Variants in DCC observed in about 807,000 individuals in gnomAD.
DCC encodes the protein DCC netrin 1 receptor.
A neutral mutation model predicts 172.5 loss-of-function variants in DCC; 58 were observed. The observed-to-expected ratio is 0.34, with a 90% CI of 0.27 to 0.42. The LOEUF (loss-of-function observed/expected upper bound fraction) is 0.42, where lower values mean the gene tolerates loss of function less well. Ranked by LOEUF, DCC falls within the 10% of genes least tolerant of loss-of-function variation. The pLI is 1.00. For missense variants in DCC, 1,740 were observed against 1,791.0 expected (o/e 0.97, Z 0.51); for synonymous variants, 709 against 644.5 (o/e 1.10, Z -1.52).
chr18:53,146,588 G>A (rs1338329350), intron 7 of DCC, among the ~76,000 whole-genome samples: 1 of 152,174 alleles, frequency 6.6e-6, no homozygotes, highest in African/African-American at 2.4e-5. Flanking sequence ...AACCTGAAGG[G>A]TAGAGGGACA....
At chr18:52,872,800 C>T (rs1307704502) in intron 2 of DCC, among the ~76,000 whole-genome samples, 2 of 152,008 alleles carry the variant, frequency 1.3e-5, no homozygotes, top group Non-Finnish European at 2.9e-5. Context: ...GGGTTAGTGG[C>T]CCTAAAGAGA....
intron 17 of DCC, among the ~76,000 whole-genome samples, chr18:53,393,922 C>CTCTCTCTCTCT (rs72364865): frequency 1.6e-4 from 21 of 130,832 alleles, no homozygotes; most frequent in Non-Finnish European, 2.3e-4. Context: ...TCCCTCTCTC[C>CTCTCTCTCTCT]CTCCCTCCCT....
chr18:52,537,479 G>A (rs1568217811), intron 1 of DCC, among the ~76,000 whole-genome samples: 1 of 152,128 alleles, frequency 6.6e-6, no homozygotes, highest in Admixed American at 6.6e-5. Flanking sequence ...GCTGCTGCCT[G>A]GAGGCAAACA....
At chr18:53,510,037 T>C (rs1291811656) in intron 27 of DCC, among the ~76,000 whole-genome samples, 1 of 152,220 alleles carries the variant, frequency 6.6e-6, no homozygotes, top group African/African-American at 2.4e-5. Flanking sequence ...CTTATTTTTA[T>C]TGCCTAAATG....
intron 8 of DCC, among the ~76,000 whole-genome samples, chr18:53,173,502 A>C (rs2055044448): frequency 6.6e-6 from 1 of 152,138 alleles, no homozygotes; most frequent in African/African-American, 2.4e-5. Flanking sequence ...TCTCCAGTTA[A>C]AATTAAAAAA....
chr18:52,622,490 T>C (rs1282903423), intron 1 of DCC, among the ~76,000 whole-genome samples: 1 of 152,230 alleles, frequency 6.6e-6, no homozygotes, highest in Non-Finnish European at 1.5e-5. Context: ...GTTCCAACTA[T>C]GAGGACAACT....
At chr18:52,659,942 A>C (rs2035325073) in intron 1 of DCC, among the ~76,000 whole-genome samples, 1 of 152,128 alleles carries the variant, frequency 6.6e-6, no homozygotes, top group South Asian at 2.1e-4. Context: ...CATCTTATTG[A>C]TTAGACCACT....
intron 5 of DCC, among the ~76,000 whole-genome samples, chr18:53,054,388 A>G (rs1412633287): frequency 6.6e-6 from 1 of 152,250 alleles, no homozygotes; most frequent in African/African-American, 2.4e-5. Flanking sequence ...TCACACACAC[A>G]CGCAAGCTTA....
intron 2 of DCC, among the ~76,000 whole-genome samples, chr18:52,892,850 A>G (rs980881943): frequency 1.3e-5 from 2 of 152,118 alleles, no homozygotes; most frequent in Non-Finnish European, 2.9e-5. Flanking sequence ...AATGCATTTT[A>G]TTAGCTCCAA....
intron 1 of DCC, among the ~76,000 whole-genome samples, chr18:52,386,129 C>A (rs1985790305): frequency 1.3e-5 from 2 of 152,004 alleles, no homozygotes; most frequent in African/African-American, 2.4e-5. Flanking sequence ...TTTCCCATTT[C>A]ACAGGTGAGA....
In DCC at chr18:52,822,652, G is replaced by A. The variant is rs565122014; in HGVS notation, c.412+70278G>A. On this transcript the variant is annotated intron_variant, in intron 2 of 28. Transcript: ENST00000442544. ...ACATTCAGCATACTTGGGATCCACA[G>A]TTTTAATGAAATCATTTAGCCTTTC... 3.9e-5 allele frequency among the ~76,000 whole-genome samples: 6 copies of A among 152,324 alleles called. No homozygotes were observed. In the East Asian group the frequency reaches 1.2e-3, roughly 29 times the overall value.
At chr18:53,376,001 T>C (rs2058106663) in intron 15 of DCC, among the ~76,000 whole-genome samples, 1 of 152,168 alleles carries the variant, frequency 6.6e-6, no homozygotes, top group Non-Finnish European at 1.5e-5. Flanking sequence ...ATGAGGTGAT[T>C]GCAACTGGAC....
intron 1 of DCC, among the ~76,000 whole-genome samples, chr18:52,537,393 G>T (rs2032317737): frequency 6.6e-6 from 1 of 152,118 alleles, no homozygotes; most frequent in African/African-American, 2.4e-5. Context: ...GTTGTGGGAT[G>T]GGTTTTTGGA....
At chr18:52,560,880 G>T in intron 1 of DCC, among the ~76,000 whole-genome samples, 1 of 151,960 alleles carries the variant, frequency 6.6e-6, no homozygotes, top group East Asian at 1.9e-4. Flanking sequence ...AACATTTTTT[G>T]AATTCAAATG....
intron 8 of DCC, among the ~76,000 whole-genome samples, chr18:53,165,374 T>A (rs990251352): frequency 1.3e-5 from 2 of 152,208 alleles, no homozygotes; most frequent in East Asian, 3.8e-4. Flanking sequence ...GAATTCATGG[T>A]ATATTACATT....
chr18:52,623,041 C>T (rs2034509882), intron 1 of DCC, among the ~76,000 whole-genome samples: 3 of 152,210 alleles, frequency 2.0e-5, no homozygotes, highest in Admixed American at 2.0e-4. Flanking sequence ...AACCAGGGAT[C>T]TGCAAACTGT....
intron 3 of DCC, among the ~76,000 whole-genome samples, chr18:52,912,481 C>G (rs927338030): frequency 5.3e-5 from 8 of 151,960 alleles, no homozygotes; most frequent in African/African-American, 1.7e-4. Flanking sequence ...ATCTGTAGTC[C>G]TAGCACATTT....
chr18:52,454,493 T>TC (rs1437356861), intron 1 of DCC, among the ~76,000 whole-genome samples: 3 of 152,110 alleles, frequency 2.0e-5, no homozygotes, highest in African/African-American at 7.2e-5. Flanking sequence ...TGAACTAGTT[T>TC]TTTTTTTGTA....
intron 15 of DCC, among the ~76,000 whole-genome samples, chr18:53,367,415 T>A (rs2058018485): frequency 6.6e-6 from 1 of 152,184 alleles, no homozygotes; most frequent in South Asian, 2.1e-4. Context: ...TCCTTAGTCT[T>A]AAGAGCACCC....
Sources: gnomAD v4.1 joint callset for allele counts (sites outside exome capture counted in the v4.1 genomes callset) on GRCh38, gnomAD v4.1.1 for gene constraint, MANE v1.5 for transcripts, NCBI Gene and HGNC (gene_info 2026-07-23, HGNC 2026-07-21) for gene names.